Variants in PHKA2 observed in about 807,000 individuals in gnomAD.
PHKA2 encodes the protein phosphorylase kinase regulatory subunit alpha 2.
Under a neutral mutation model 102.0 loss-of-function variants are expected in PHKA2, and 31 were observed. That is an observed-to-expected ratio of 0.30 (90% CI 0.23 to 0.41). PHKA2 has a LOEUF of 0.41. PHKA2 is among the 10% of genes least tolerant of loss of function. The probability of loss-of-function intolerance (pLI) is 1.00; values close to 1 mark genes in which losing one functional copy is unlikely to be tolerated. For synonymous variants in PHKA2, 455 were observed against 416.2 expected (o/e 1.09, Z -1.13); for missense variants, 858 against 1,023.1 (o/e 0.84, Z 2.20).
intron 1 of PHKA2, among the ~76,000 whole-genome samples, chrX:18,979,328 G>A (rs1157311015): frequency 1.8e-5 from 2 of 109,195 alleles, no homozygotes; most frequent in Non-Finnish European, 3.8e-5. Context: ...TTTAAATTCC[G>A]TGGCCATTAA....
intron 3 of PHKA2, among the ~76,000 whole-genome samples, chrX:18,952,185 C>CAAAAAAAAA (rs1282109594): frequency 4.6e-5 from 1 of 21,506 alleles, no homozygotes; most frequent in Non-Finnish European, 8.7e-5. Flanking sequence ...ATTGTATCTA[C>CAAAAAAAAA]AAAAAAAAAA....
chrX:18,895,357 T>C lies in PHKA2; in HGVS notation c.3283-166A>G, dbSNP rs771328828. 8 of 509,349 alleles carry C rather than the reference T, an allele frequency of 1.6e-5. No individual in the cohort carries two copies. In the South Asian group the frequency reaches 2.1e-4, roughly 13 times the overall value. The allele number at this position is 509,349 out of a possible 1,213,427, so 42.0% of individuals were successfully genotyped here. ...TTATTTTTAGAGAGCTTGTTCTCAC[T>C]GCCCACAGGCTGTGTTTTCGATGGA... On this transcript the variant is annotated intron_variant, in intron 30 of 32. Coordinates refer to ENST00000379942, the MANE Select transcript of PHKA2 (RefSeq NM_000292.3).
At chrX:18,952,350 A>AAG (rs1364663670) in intron 3 of PHKA2, 144 bp downstream of exon 3, 4 of 478,111 alleles carry the variant, frequency 8.4e-6, no homozygotes, top group Admixed American at 3.4e-5. Context: ...AAAAAAAAAA[A>AAG]AGAGAGAGAG....
intron 1 of PHKA2, among the ~76,000 whole-genome samples, chrX:18,975,967 C>CTTTTTT (rs200764030): frequency 4.8e-5 from 3 of 63,014 alleles, no homozygotes; most frequent in African/African-American, 6.9e-5. Context: ...AAGTCAAATT[C>CTTTTTT]TTTTTTTTTT....
intron 1 of PHKA2, among the ~76,000 whole-genome samples, chrX:18,958,985 T>C (rs1046851086): frequency 1.8e-5 from 2 of 112,080 alleles, no homozygotes; most frequent in African/African-American, 6.5e-5. Context: ...GCTGGGATTA[T>C]AGGCATGAGC....
chrX:18,910,913 A>C lies in PHKA2; in HGVS notation c.2185T>G (p.Ser729Ala). 1 of 1,196,052 alleles carries C rather than the reference A, an allele frequency of 8.4e-7. No homozygotes were observed. Among genetic ancestry groups the C allele is most frequent in the Non-Finnish European group, 1.1e-6 (1 of 883,500 alleles). Residue 729 changes from serine (S) to alanine (A), a missense_variant, in exon 20 of 33, where the codon TCA (serine) becomes GCA (alanine). Physicochemically the swap from Ser to Ala is moderately conservative, Grantham distance 99. Transcript: ENST00000379942. ...PTKVLSAHRK[S>A]LNLVDSPQPL... ...TGAGGAGAATCAACAAGATTCAGTGATTTACGGTGGGCACTTAGAACTTTA... is the reference window on the plus strand; with the variant it reads ...TGAGGAGAATCAACAAGATTCAGTGCTTTACGGTGGGCACTTAGAACTTTA...
At chrX:18,912,443 G>C (rs2047942330) in intron 19 of PHKA2, among the ~76,000 whole-genome samples, 1 of 111,201 alleles carries the variant, frequency 9.0e-6, no homozygotes, top group African/African-American at 3.3e-5. Flanking sequence ...AATAGTATTT[G>C]TGTGTCTAAA....
Position 18,918,324 on chromosome X carries a change from T to C in PHKA2, c.2137+357A>G, listed in dbSNP as rs1308776783. Among the ~76,000 whole-genome samples the C allele has an allele frequency of 2.7e-5, 3 of 112,611 alleles. 1 individual carries two copies. Among genetic ancestry groups the C allele is most frequent in the African/African-American group, 9.7e-5 (3 of 30,966 alleles). On this transcript the variant is annotated intron_variant, in intron 19 of 32. Transcript: ENST00000379942. ...GGAAATATTTGTGTACATACAATGA[T>C]ATAAAGAGTGAATACTGATTTAACT...
rs770920801 is a variant in PHKA2, at chrX:18,948,913, C to T, written c.455-87G>A. 4.8e-6 allele frequency: 3 copies of T among 624,184 alleles called. No homozygotes were observed. The East Asian group carries it at 1.1e-4, about 23-fold the overall frequency. 51.4% of individuals were successfully genotyped at this position (624,184 alleles called of 1,213,427 possible). A position where few individuals can be genotyped will look rare whatever the true frequency, so the allele number is the denominator to read the frequency against. On this transcript the variant is annotated intron_variant, in intron 4 of 32. Coordinates refer to ENST00000379942, the MANE Select transcript of PHKA2 (RefSeq NM_000292.3). The stretch of plus-strand genomic sequence containing the variant: ...ACAAATATCACACTAGGAAATAAAC[C>T]CTTTTACCCTCATTTTCATTTTTCT...
chrX:18,906,998 C>T lies in PHKA2; in HGVS notation c.2597+20G>A, dbSNP rs761787744. On this transcript the variant is annotated intron_variant, in intron 23 of 32. Transcript: ENST00000379942. Reference sequence around the variant, plus strand: ...CATGGCTCCCCCGCAAACCTGAGGTCCCCAAGGCTGAGGACTTACGCAGAG... The same window carrying T: ...CATGGCTCCCCCGCAAACCTGAGGTTCCCAAGGCTGAGGACTTACGCAGAG... The T allele has an allele frequency of 3.4e-6, 4 of 1,176,644 alleles. No individual in the cohort carries two copies. In the South Asian group the frequency reaches 7.3e-5, roughly 22 times the overall value.
chrX:18,918,933 G>A (rs138356748), intron 18 of PHKA2, 79 bp from the exon 19 acceptor site: 2 of 883,944 alleles, frequency 2.3e-6, no homozygotes, highest in African/African-American at 3.9e-5. Context: ...ACCATGGGTA[G>A]CAAGCAGCAC....
At chrX:18,955,527 C>T (rs1425603147) in intron 1 of PHKA2, among the ~76,000 whole-genome samples, 1 of 110,960 alleles carries the variant, frequency 9.0e-6, no homozygotes, top group African/African-American at 3.3e-5. Flanking sequence ...TTTTTAAAAG[C>T]CAGTCCTAAT....
chrX:18,906,977 G>A, intron 23 of PHKA2, 41 bp downstream of exon 23: 1 of 1,108,595 alleles, frequency 9.0e-7, no homozygotes, highest in East Asian at 3.1e-5. Context: ...TTTCCCCATG[G>A]CTCCCCCGCA....
chrX:18,924,741 G>A (rs1424453081), intron 15 of PHKA2, among the ~76,000 whole-genome samples: 3 of 112,076 alleles, frequency 2.7e-5, no homozygotes, highest in Non-Finnish European at 5.6e-5. Flanking sequence ...GAAGGGAAAG[G>A]TGCACTGCTA....
intron 1 of PHKA2, among the ~76,000 whole-genome samples, chrX:18,969,092 A>G (rs1406798960): frequency 9.1e-6 from 1 of 109,830 alleles, no homozygotes; most frequent in Non-Finnish European, 1.9e-5. Flanking sequence ...CAGCCTGGGC[A>G]ACAAGAGAGA....
chrX:18,945,284 T>C, intron 5 of PHKA2, 126 bp from the exon 6 acceptor site: 1 of 488,412 alleles, frequency 2.0e-6, no homozygotes, highest in Non-Finnish European at 3.7e-6. Context: ...GGAGGCTTTG[T>C]AGACTCATAC....
chrX:18,938,043 T>A (rs1464445583), intron 10 of PHKA2, among the ~76,000 whole-genome samples: 2 of 112,510 alleles, frequency 1.8e-5, no homozygotes, highest in African/African-American at 6.5e-5. Context: ...CCACGCCTCC[T>A]AGTACTCATG....
At chrX:18,952,711 TAAAG>T (rs1378265062) in intron 2 of PHKA2, among the ~76,000 whole-genome samples, 170 bp from the exon 3 acceptor site, 4 of 112,138 alleles carry the variant, frequency 3.6e-5, no homozygotes, top group Non-Finnish European at 7.5e-5. Context: ...CACTCCATCA[TAAAG>T]AAAGAAAAAT....
At chrX:18,906,460 T>C in intron 25 of PHKA2, 35 bp downstream of exon 25, 1 of 1,208,407 alleles carries the variant, frequency 8.3e-7, no homozygotes, top group Non-Finnish European at 1.1e-6. Flanking sequence ...TGGGGTGGGG[T>C]GCGGCGGGAG....
Sources: allele counts gnomAD v4.1 joint callset (sites outside exome capture counted in the v4.1 genomes callset), GRCh38; gene constraint gnomAD v4.1.1; transcripts MANE v1.5; gene names NCBI Gene and HGNC (gene_info 2026-07-23, HGNC 2026-07-21).